Variants in EXOC6B observed in about 807,000 individuals in gnomAD.
The protein encoded by EXOC6B is exocyst complex component 6B, also known as SEC15 homolog B.
In EXOC6B, 54 loss-of-function variants were observed where a neutral mutation model predicts 113.5. That is an observed-to-expected ratio of 0.48 (90% CI 0.38 to 0.60). The LOEUF is 0.60. EXOC6B is among the 20% of genes least tolerant of loss of function. EXOC6B has a pLI of 0.00. For missense variants in EXOC6B, 797 were observed against 977.5 expected (o/e 0.82, Z 2.46); for synonymous variants, 357 against 339.0 (o/e 1.05, Z -0.58).
At chr2:72,358,876 T>G (rs569078135) in intron 19 of EXOC6B, among the ~76,000 whole-genome samples, 1 of 152,188 alleles carries the variant, frequency 6.6e-6, no homozygotes, top group Non-Finnish European at 1.5e-5. Flanking sequence ...ATATCTATCC[T>G]GAGCTACTTA....
chr2:72,774,662 C>A (rs1372337840), intron 1 of EXOC6B, among the ~76,000 whole-genome samples: 1 of 152,140 alleles, frequency 6.6e-6, no homozygotes, highest in African/African-American at 2.4e-5. Flanking sequence ...ATGAATGGTT[C>A]TTTCTCCTCC....
At chr2:72,460,009 T>C (rs1469049477) in intron 18 of EXOC6B, among the ~76,000 whole-genome samples, 2 of 151,928 alleles carry the variant, frequency 1.3e-5, no homozygotes, top group Non-Finnish European at 2.9e-5. Flanking sequence ...AAAACAGAGA[T>C]ATAGATCAAT....
chr2:72,539,757 C>T (rs989675942), intron 8 of EXOC6B, among the ~76,000 whole-genome samples: 12 of 151,284 alleles, frequency 7.9e-5, no homozygotes, highest in Admixed American at 2.0e-4. Context: ...TGTGCGCGCG[C>T]GCGCGCGTGT....
intron 6 of EXOC6B, among the ~76,000 whole-genome samples, chr2:72,679,169 C>T (rs1343300934): frequency 6.6e-6 from 1 of 152,062 alleles, no homozygotes; most frequent in Non-Finnish European, 1.5e-5. Context: ...TGGGTTCAAG[C>T]GATTCTCCTG....
At chr2:72,795,582 TAAAG>T (rs1335689467) in intron 1 of EXOC6B, among the ~76,000 whole-genome samples, 1 of 151,498 alleles carries the variant, frequency 6.6e-6, no homozygotes, top group Non-Finnish European at 1.5e-5. Context: ...TCTCAAAAAA[TAAAG>T]AAAGAAAATA....
intron 19 of EXOC6B, among the ~76,000 whole-genome samples, chr2:72,376,745 C>G (rs1291491492): frequency 6.6e-6 from 1 of 152,118 alleles, no homozygotes; most frequent in African/African-American, 2.4e-5. Flanking sequence ...TTTCTATTGT[C>G]TATCTTTTCT....
intron 20 of EXOC6B, among the ~76,000 whole-genome samples, chr2:72,243,826 A>G (rs567623187): frequency 6.6e-6 from 1 of 152,236 alleles, no homozygotes; most frequent in East Asian, 1.9e-4. Flanking sequence ...ACATAATGAT[A>G]AAGAGGTTAA....
intron 19 of EXOC6B, among the ~76,000 whole-genome samples, chr2:72,355,057 G>A (rs1221481770): frequency 6.6e-6 from 1 of 152,156 alleles, no homozygotes; most frequent in Non-Finnish European, 1.5e-5. Flanking sequence ...CTGAGAAAAT[G>A]ATATCAGACT....
chr2:72,672,552 AAAAAAAAAAAAAG>A lies in EXOC6B; in HGVS notation c.669+45538_669+45550del, dbSNP rs1406164255. The stretch of plus-strand genomic sequence containing the variant: ...ACAGAGCGAGACTCTGTCTCAAAAA[AAAAAAAAAAAAAG>A]AAAAAGAAAAAGAAAAGAAAAGAAA... On this transcript the variant is annotated intron_variant, in intron 6 of 21. Coordinates refer to ENST00000272427, the MANE Select transcript of EXOC6B (RefSeq NM_015189.3). Among the ~76,000 whole-genome samples, 799 of 151,150 alleles carry A rather than the reference AAAAAAAAAAAAAG, an allele frequency of 5.3e-3. 7 individuals are homozygous for A. Among genetic ancestry groups the A allele is most frequent in the African/African-American group, 0.018 (761 of 41,362 alleles).
At chr2:72,225,206 T>C (rs907996054) in intron 20 of EXOC6B, among the ~76,000 whole-genome samples, 4 of 151,922 alleles carry the variant, frequency 2.6e-5, no homozygotes, top group Admixed American at 6.6e-5. Context: ...TAATACTACA[T>C]AGGATATCAT....
intron 18 of EXOC6B, among the ~76,000 whole-genome samples, chr2:72,455,885 T>C (rs1490889048): frequency 6.6e-6 from 1 of 151,998 alleles, no homozygotes; most frequent in Non-Finnish European, 1.5e-5. Context: ...ACCTGGTATA[T>C]GGTATGTACT....
intron 6 of EXOC6B, among the ~76,000 whole-genome samples, chr2:72,713,149 A>G (rs1679378128): frequency 6.6e-6 from 1 of 152,206 alleles, no homozygotes; most frequent in African/African-American, 2.4e-5. Flanking sequence ...AAAGAAGCCT[A>G]TGTACCAACC....
intron 6 of EXOC6B, among the ~76,000 whole-genome samples, chr2:72,661,669 C>T (rs1374045565): frequency 6.6e-6 from 1 of 151,914 alleles, no homozygotes; most frequent in Non-Finnish European, 1.5e-5. Context: ...ATTAAAATCC[C>T]AGCAGGAATT....
chr2:72,483,673 T>C (rs1699242882), intron 16 of EXOC6B, among the ~76,000 whole-genome samples: 1 of 152,216 alleles, frequency 6.6e-6, no homozygotes, highest in South Asian at 2.1e-4. Context: ...GAATATTGTC[T>C]GTTAACGAGG....
At chr2:72,526,537 C>T (rs1245870474) in intron 8 of EXOC6B, among the ~76,000 whole-genome samples, 3 of 151,904 alleles carry the variant, frequency 2.0e-5, no homozygotes, top group Non-Finnish European at 4.4e-5. Flanking sequence ...GCTACACATA[C>T]ACACACAAAA....
At chr2:72,510,661 A>G (rs763617429) in intron 11 of EXOC6B, among the ~76,000 whole-genome samples, 2 of 151,654 alleles carry the variant, frequency 1.3e-5, no homozygotes, top group Non-Finnish European at 2.9e-5. Flanking sequence ...CTTTACATTT[A>G]TATATCAGAA....
chr2:72,669,410 A>AT (rs1675631776), intron 6 of EXOC6B, among the ~76,000 whole-genome samples: 1 of 150,998 alleles, frequency 6.6e-6, no homozygotes. Flanking sequence ...GAAATGGGGG[A>AT]TGGCGGTACC....
chr2:72,459,943 T>G (rs905696266), intron 18 of EXOC6B, among the ~76,000 whole-genome samples: 2 of 152,166 alleles, frequency 1.3e-5, no homozygotes, highest in African/African-American at 4.8e-5. Flanking sequence ...TCATGCTACC[T>G]GACTTCAAAC....
chr2:72,219,927 G>A (rs1408896749), intron 20 of EXOC6B, among the ~76,000 whole-genome samples: 2 of 152,076 alleles, frequency 1.3e-5, no homozygotes, highest in Non-Finnish European at 2.9e-5. Flanking sequence ...AGTTGAAGAC[G>A]GGTCCATGTA....
Sources: allele counts gnomAD v4.1 joint callset (sites outside exome capture counted in the v4.1 genomes callset), GRCh38; gene constraint gnomAD v4.1.1; transcripts MANE v1.5; gene names NCBI Gene and HGNC (gene_info 2026-07-23, HGNC 2026-07-21).